Variants in WDR70 observed in about 807,000 individuals in gnomAD.
The protein encoded by WDR70 is WD repeat-containing protein 70.
WDR70 carries 53 observed loss-of-function variants against 88.6 expected under a neutral mutation model. The observed-to-expected ratio is 0.60, with a 90% CI of 0.48 to 0.75. WDR70 has a LOEUF of 0.75. Among genes scored for constraint, WDR70 ranks in the 30% least tolerant of loss-of-function variants. The pLI is 0.00. For missense variants in WDR70, 610 were observed against 823.2 expected (o/e 0.74, Z 3.17); for synonymous variants, 280 against 270.0 (o/e 1.04, Z -0.36).
intron 3 of WDR70, among the ~76,000 whole-genome samples, chr5:37,390,502 G>C (rs1164270228): frequency 6.6e-6 from 1 of 151,788 alleles, no homozygotes; most frequent in Non-Finnish European, 1.5e-5. Context: ...ACTACGCCTG[G>C]CTAATTTTTT....
rs1053768151 is a variant in WDR70, at chr5:37,392,014, G to C, written c.190G>C (p.Glu64Gln). 6.2e-7 allele frequency: 1 copy of C among 1,600,404 alleles called. No homozygotes were observed. Among genetic ancestry groups the C allele is most frequent in the Non-Finnish European group, 8.5e-7 (1 of 1,176,902 alleles). The change falls in exon 4 of 18, where the codon GAG becomes CAG. Residue 64 changes from glutamate (E) to glutamine (Q), a missense_variant. Around this residue, in one of 4 missense-constraint regions of WDR70, gnomAD observed 203 missense variants for 228.1 expected, o/e 0.89. Coordinates refer to ENST00000265107, the MANE Select transcript of WDR70 (RefSeq NM_018034.4). ...SRKTLEAREK[E>Q]EEMNREKELR... ...AATCTTTTCAGAAGCAAGAGAAAAAGAGGAAGAAATGAACAGAGAGAAAGA... is the reference window on the plus strand; with the variant it reads ...AATCTTTTCAGAAGCAAGAGAAAAACAGGAAGAAATGAACAGAGAGAAAGA...
chr5:37,437,983 TAA>T lies in WDR70; in HGVS notation c.552+3_552+4del, dbSNP rs1343848740. 1 of 1,607,484 alleles carries T rather than the reference TAA, an allele frequency of 6.2e-7. No homozygotes were observed. The highest frequency in any genetic ancestry group is 8.5e-7 in the Non-Finnish European group (1 of 1,176,950). On this transcript the variant is annotated splice_donor_region_variant and intron_variant, in intron 6 of 17. Coordinates refer to ENST00000265107, the MANE Select transcript of WDR70 (RefSeq NM_018034.4). The stretch of plus-strand genomic sequence containing the variant: ...ACGCTGAAGCATGGCACTAAAACAG[TAA>T]GTTTAAAAATCTAGTTTTTTCCTCT...
chr5:37,383,164 A>C (rs1383522314), intron 3 of WDR70, among the ~76,000 whole-genome samples: 1 of 152,226 alleles, frequency 6.6e-6, no homozygotes, highest in Non-Finnish European at 1.5e-5. Context: ...AGTATTTGGC[A>C]GTGTGCCTGA....
intron 17 of WDR70, among the ~76,000 whole-genome samples, chr5:37,739,140 G>C (rs554644678): frequency 3.9e-5 from 6 of 152,310 alleles, no homozygotes; most frequent in African/African-American, 1.4e-4. Context: ...CCCTCTGTAA[G>C]TTTAGGTTTT....
intron 8 of WDR70, chr5:37,506,531 A>T: frequency 1.3e-6 from 1 of 770,862 alleles, no homozygotes; most frequent in South Asian, 1.3e-5. Context: ...CAGGTTCTTT[A>T]TTCGCTAAAG....
intron 9 of WDR70, among the ~76,000 whole-genome samples, chr5:37,574,393 T>C (rs1048313345): frequency 2.0e-4 from 30 of 152,182 alleles, no homozygotes; most frequent in African/African-American, 7.0e-4. Context: ...CCTCCATGGC[T>C]TGCTACAGTG....
intron 9 of WDR70, among the ~76,000 whole-genome samples, chr5:37,532,420 A>G (rs868462849): frequency 2.0e-5 from 3 of 152,214 alleles, no homozygotes; most frequent in Non-Finnish European, 2.9e-5. Flanking sequence ...TTTGTTTAAC[A>G]TAATCCCAGA....
At chr5:37,722,800 A>T in intron 14 of WDR70, 55 bp from the exon 15 acceptor site, 1 of 1,537,356 alleles carries the variant, frequency 6.5e-7, no homozygotes, top group East Asian at 2.3e-5. Flanking sequence ...TTCAACATGA[A>T]ATTTTCTGTT....
chr5:37,570,200 A>G (rs1339137747), intron 9 of WDR70, among the ~76,000 whole-genome samples: 2 of 152,260 alleles, frequency 1.3e-5, no homozygotes, highest in East Asian at 1.9e-4. Context: ...TTGACAGGAC[A>G]TAGGGTCTGA....
chr5:37,704,845 T>A (rs1224846944), intron 13 of WDR70, among the ~76,000 whole-genome samples: 1 of 151,750 alleles, frequency 6.6e-6, no homozygotes, highest in African/African-American at 2.4e-5. Flanking sequence ...AAGGTAAAAC[T>A]GGTCTTGTAT....
At chr5:37,438,099 C>A in intron 6 of WDR70, 118 bp downstream of exon 6, 2 of 765,340 alleles carry the variant, frequency 2.6e-6, no homozygotes, top group South Asian at 3.0e-5. Context: ...GACATAAAAG[C>A]TATAGACATT....
chr5:37,585,781 G>A (rs994741040), intron 9 of WDR70, among the ~76,000 whole-genome samples: 1 of 152,082 alleles, frequency 6.6e-6, no homozygotes, highest in Admixed American at 6.5e-5. Flanking sequence ...ACATTGCTTG[G>A]GTTCCTGCCC....
intron 8 of WDR70, among the ~76,000 whole-genome samples, chr5:37,491,937 C>T (rs957379887): frequency 9.9e-5 from 15 of 152,092 alleles, no homozygotes; most frequent in Non-Finnish European, 1.9e-4. Flanking sequence ...TTGGTTTCTG[C>T]GCTTTTGACA....
At chr5:37,645,194 TCAAGAA>T (rs1745201117) in intron 10 of WDR70, among the ~76,000 whole-genome samples, 1 of 151,918 alleles carries the variant, frequency 6.6e-6, no homozygotes, top group Non-Finnish European at 1.5e-5. Flanking sequence ...TTTTTTTTTT[TCAAGAA>T]ATTTTTCAGT....
chr5:37,733,245 T>C (rs767461337), intron 17 of WDR70, among the ~76,000 whole-genome samples: 4 of 152,140 alleles, frequency 2.6e-5, no homozygotes, highest in Non-Finnish European at 5.9e-5. Flanking sequence ...CTCCTTTGTC[T>C]TCTCCTTTAC....
In WDR70 at chr5:37,441,695, G is replaced by A. The variant is rs530460293; in HGVS notation, c.553-1544G>A. Among the ~76,000 whole-genome samples, 6 of 152,138 alleles carry A rather than the reference G, an allele frequency of 3.9e-5. No homozygotes were observed. In the South Asian group the frequency reaches 1.2e-3, roughly 32 times the overall value. ...AAGCTGGGCGTGGTGCTACGTGCCT[G>A]TCATCCCAGCTACTTAGGAGGCTGA... On this transcript the variant is annotated intron_variant, in intron 6 of 17. Coordinates refer to ENST00000265107, the MANE Select transcript of WDR70 (RefSeq NM_018034.4).
At chr5:37,673,364 T>C (rs556347471) in intron 10 of WDR70, among the ~76,000 whole-genome samples, 1 of 152,320 alleles carries the variant, frequency 6.6e-6, no homozygotes, top group South Asian at 2.1e-4. Flanking sequence ...AGTGAACATA[T>C]ATATGCATGT....
At chr5:37,738,262 A>G (rs1447611345) in intron 17 of WDR70, among the ~76,000 whole-genome samples, 4 of 152,338 alleles carry the variant, frequency 2.6e-5, no homozygotes, top group Non-Finnish European at 5.9e-5. Context: ...GTTTTCCTTC[A>G]TAATAAACAA....
chr5:37,568,777 G>A (rs596491), intron 9 of WDR70, among the ~76,000 whole-genome samples: 152,289 of 152,338 alleles, frequency 1, 76,120 homozygotes, highest in Middle Eastern at 1. Flanking sequence ...TCCTGTATCT[G>A]TGCCCCTTGC....
Sources: allele counts gnomAD v4.1 joint callset (sites outside exome capture counted in the v4.1 genomes callset), GRCh38; gene constraint gnomAD v4.1.1; regional missense constraint gnomAD v4.1.1; transcripts MANE v1.5; gene names NCBI Gene and HGNC (gene_info 2026-07-23, HGNC 2026-07-21).